ARL15: variants seen among roughly 807,000 people sequenced by gnomAD.
The protein encoded by ARL15 is ARF like GTPase 15.
A neutral mutation model predicts 25.2 loss-of-function variants in ARL15; 19 were observed. The ratio of observed to expected loss-of-function variants is 0.75; its 90% CI spans 0.53 to 1.10. The LOEUF (loss-of-function observed/expected upper bound fraction) is 1.10, where lower values mean the gene tolerates loss of function less well. Ranked by LOEUF, ARL15 falls within the 50% of genes least tolerant of loss-of-function variation. ARL15 has a pLI of 0.00. For missense variants in ARL15, 220 were observed against 246.0 expected, an observed-to-expected ratio of 0.89 and a Z score of 0.71; for synonymous variants, 94 against 86.8, an observed-to-expected ratio of 1.08 and a Z score of -0.46.
intron 1 of ARL15, among the ~76,000 whole-genome samples, chr5:54,248,266 C>T (rs1006103425): frequency 1.2e-4 from 18 of 152,154 alleles, no homozygotes; most frequent in African/African-American, 4.3e-4. Flanking sequence ...GTCAAACCAA[C>T]AAAACTATCT....
At chr5:53,930,591 G>C (rs1207191897) in intron 4 of ARL15, among the ~76,000 whole-genome samples, 1 of 152,130 alleles carries the variant, frequency 6.6e-6, no homozygotes, top group Non-Finnish European at 1.5e-5. Flanking sequence ...TCATTTCAAA[G>C]CGAAGTCATT....
At chr5:54,132,051 T>G (rs1170111196) in intron 3 of ARL15, among the ~76,000 whole-genome samples, 1 of 152,134 alleles carries the variant, frequency 6.6e-6, no homozygotes, top group Non-Finnish European at 1.5e-5. Context: ...CATGGTTCCA[T>G]AAGGTGATAA....
At chr5:54,199,364 C>T (rs60525261) in intron 1 of ARL15, among the ~76,000 whole-genome samples, 36,100 of 148,782 alleles carry the variant, frequency 0.24, 4,877 homozygotes, top group African/African-American at 0.34. Flanking sequence ...ACAGGCAACC[C>T]ACAAAATGGG....
intron 3 of ARL15, among the ~76,000 whole-genome samples, chr5:54,135,428 T>C (rs1258303547): frequency 1.3e-5 from 2 of 152,052 alleles, no homozygotes; most frequent in Admixed American, 6.5e-5. Flanking sequence ...GACCACATCA[T>C]AGGAAAAATA....
At chr5:54,046,186 T>G (rs1376789081) in intron 4 of ARL15, among the ~76,000 whole-genome samples, 1 of 151,920 alleles carries the variant, frequency 6.6e-6, no homozygotes, top group Non-Finnish European at 1.5e-5. Flanking sequence ...ACAATTGGAT[T>G]AAAAATAGAA....
At chr5:54,299,696 T>G (rs1758565627) in intron 1 of ARL15, among the ~76,000 whole-genome samples, 1 of 150,928 alleles carries the variant, frequency 6.6e-6, no homozygotes, top group South Asian at 2.1e-4. Context: ...TTCAAGTGAT[T>G]CTCCTGCCTC....
chr5:54,186,499 A>G (rs1755244400), intron 1 of ARL15, among the ~76,000 whole-genome samples: 1 of 152,220 alleles, frequency 6.6e-6, no homozygotes, highest in South Asian at 2.1e-4. Flanking sequence ...ACTACTGTCA[A>G]ACTTCACGAG....
chr5:54,302,683 A>ATTTTTTT (rs372704359), intron 1 of ARL15, among the ~76,000 whole-genome samples: 1,960 of 77,746 alleles, frequency 0.025, 235 homozygotes, highest in Admixed American at 0.051. Flanking sequence ...TAAAATTAAG[A>ATTTTTTT]TTTTTTTTTT....
chr5:54,237,085 C>T (rs1756828934), intron 1 of ARL15, among the ~76,000 whole-genome samples: 1 of 152,190 alleles, frequency 6.6e-6, no homozygotes, highest in Non-Finnish European at 1.5e-5. Flanking sequence ...TCCCATAATC[C>T]CCACGTGTTG....
chr5:54,016,259 CCAAGTGTTTGTCGTTCCCTGT>C (rs1290681017), intron 4 of ARL15, among the ~76,000 whole-genome samples: 3 of 152,094 alleles, frequency 2.0e-5, no homozygotes, highest in African/African-American at 7.2e-5. Flanking sequence ...TGAATTTTTT[CCAAGTGTTTGTCGTTCCCTGT>C]CAAGTAATCT....
intron 4 of ARL15, among the ~76,000 whole-genome samples, chr5:53,891,017 C>CAAAATTTTG (rs1322231412): frequency 6.6e-6 from 1 of 152,134 alleles, no homozygotes; most frequent in Admixed American, 6.5e-5. Context: ...ACTTGAGATT[C>CAAAATTTTG]AAAATTTTGA....
chr5:54,130,439 A>G (rs926998672), intron 3 of ARL15, among the ~76,000 whole-genome samples: 4 of 152,200 alleles, frequency 2.6e-5, no homozygotes, highest in Admixed American at 6.5e-5. Flanking sequence ...ATCAAGGAAA[A>G]TCCTTTTACA....
chr5:54,111,542 A>C (rs1752740613), intron 4 of ARL15, among the ~76,000 whole-genome samples: 1 of 152,096 alleles, frequency 6.6e-6, no homozygotes, highest in African/African-American at 2.4e-5. Flanking sequence ...CAATTATATG[A>C]TGTCTAAGGA....
chr5:54,033,844 C>T (rs574449442), intron 4 of ARL15, among the ~76,000 whole-genome samples: 72 of 152,208 alleles, frequency 4.7e-4, no homozygotes, highest in African/African-American at 1.6e-3. Context: ...GACAGAGTCT[C>T]GCTTTGTCGC....
chr5:54,249,409 T>C (rs1281383275), intron 1 of ARL15, among the ~76,000 whole-genome samples: 1 of 152,000 alleles, frequency 6.6e-6, no homozygotes, highest in Non-Finnish European at 1.5e-5. Context: ...GAATAGAAGA[T>C]ACTTGAGTCA....
At chr5:54,172,465 A>G (rs1754748718) in intron 1 of ARL15, among the ~76,000 whole-genome samples, 1 of 152,168 alleles carries the variant, frequency 6.6e-6, no homozygotes, top group South Asian at 2.1e-4. Context: ...ATAAGTGAAC[A>G]CTGAATATAG....
In ARL15 at chr5:54,221,825, GCACACACACACA is replaced by G. The variant is rs3035310; in HGVS notation, c.49-49909_49-49898del. 7.7e-3 allele frequency among the ~76,000 whole-genome samples: 1,098 copies of G among 142,114 alleles called. 9 individuals are homozygous for G. Among genetic ancestry groups the G allele is most frequent in the African/African-American group, 0.018 (699 of 38,738 alleles). 93.2% of individuals were successfully genotyped at this position (142,114 alleles called of 152,430 possible). The stretch of plus-strand genomic sequence containing the variant: ...TTTTAGGTTATTTGGCAAGAAACAT[GCACACACACACA>G]CACACACACACACACACACACACAC... On this transcript the variant is annotated intron_variant, in intron 1 of 4. Coordinates refer to ENST00000504924, the MANE Select transcript of ARL15 (RefSeq NM_019087.3).
chr5:53,940,020 C>T (rs1270446041), intron 4 of ARL15, among the ~76,000 whole-genome samples: 1 of 151,182 alleles, frequency 6.6e-6, no homozygotes, highest in Non-Finnish European at 1.5e-5. Context: ...GCTCTGTCGC[C>T]CAGGCTGGAG....
At chr5:54,237,046 C>G (rs1030904297) in intron 1 of ARL15, among the ~76,000 whole-genome samples, 1 of 152,136 alleles carries the variant, frequency 6.6e-6, no homozygotes, top group South Asian at 2.1e-4. Flanking sequence ...TGGCTGTGTC[C>G]CCACCCAAAT....
Sources: gnomAD v4.1 joint callset for allele counts (sites outside exome capture counted in the v4.1 genomes callset) on GRCh38, gnomAD v4.1.1 for gene constraint, MANE v1.5 for transcripts, NCBI Gene and HGNC (gene_info 2026-07-23, HGNC 2026-07-21) for gene names.